Variants in SHISA9 observed in about 807,000 individuals in gnomAD.
SHISA9 encodes shisa family member 9.
Under a neutral mutation model 38.0 loss-of-function variants are expected in SHISA9, and 13 were observed. The ratio of observed to expected loss-of-function variants is 0.34; its 90% CI spans 0.22 to 0.54. The LOEUF (loss-of-function observed/expected upper bound fraction) is 0.54, where lower values mean the gene tolerates loss of function less well. Among genes scored for constraint, SHISA9 ranks in the 20% least tolerant of loss-of-function variants. The pLI, the probability that SHISA9 is intolerant of heterozygous loss-of-function variation, is 0.91. For missense variants in SHISA9, 538 were observed against 575.8 expected, an observed-to-expected ratio of 0.93 and a Z score of 0.67; for synonymous variants, 275 against 242.0, an observed-to-expected ratio of 1.14 and a Z score of -1.27.
At chr16:12,903,664 G>A (rs966596192) in intron 1 of SHISA9, among the ~76,000 whole-genome samples, 8 of 152,172 alleles carry the variant, frequency 5.3e-5, no homozygotes, top group African/African-American at 1.9e-4. Flanking sequence ...TGGAAGGAGT[G>A]ACTAGCGGCC....
intron 2 of SHISA9, among the ~76,000 whole-genome samples, chr16:13,109,267 C>G (rs528508648): frequency 6.6e-6 from 1 of 152,160 alleles, no homozygotes; most frequent in Non-Finnish European, 1.5e-5. Context: ...CTCAAGCAAT[C>G]CTCCCACCTT....
chr16:13,235,117 G>A lies in SHISA9; in HGVS notation c.983G>A (p.Arg328Lys), dbSNP rs1344051556. Residue 328 changes from arginine (R) to lysine (K), a missense_variant, in exon 5 of 5, where the codon AGA becomes AAA. This residue lies in a region of SHISA9 where 326 missense variants were observed against 305.9 expected (regional missense o/e 1.07). Coordinates refer to ENST00000558583, the MANE Select transcript of SHISA9 (RefSeq NM_001145204.3). ...AKGNLPLHPVRVEDEPRAFSP... is the reference protein window; with the variant it reads ...AKGNLPLHPVKVEDEPRAFSP... ...GGGAACTTACCTCTGCACCCCGTAA[G>A]AGTGGAGGACGAGCCCCGGGCCTTC... 6.4e-7 allele frequency: 1 copy of A among 1,551,682 alleles called. No individual in the cohort carries two copies. The highest frequency in any genetic ancestry group is 8.7e-7 in the Non-Finnish European group (1 of 1,146,994).
intron 2 of SHISA9, among the ~76,000 whole-genome samples, chr16:13,170,429 G>T (rs1212849865): frequency 6.6e-6 from 1 of 152,010 alleles, no homozygotes; most frequent in African/African-American, 2.4e-5. Flanking sequence ...TTTATAAAGA[G>T]AATTGATTTG....
chr16:13,299,207 T>C, the SHISA9 span, among the ~76,000 whole-genome samples: 1 of 152,162 alleles, frequency 6.6e-6, no homozygotes, highest in Non-Finnish European at 1.5e-5. Context: ...GCTAAGGGTG[T>C]AAAACTTCCT....
chr16:13,470,509 G>A, the SHISA9 span, among the ~76,000 whole-genome samples: 116 of 152,288 alleles, frequency 7.6e-4, no homozygotes, highest in African/African-American at 2.7e-3. Context: ...CATGGCAGCA[G>A]GCAAGAGAGC....
chr16:12,904,515 G>C (rs1344068551), intron 1 of SHISA9, among the ~76,000 whole-genome samples: 1 of 152,148 alleles, frequency 6.6e-6, no homozygotes, highest in Admixed American at 6.5e-5. Flanking sequence ...TCCTGCCCCC[G>C]TGCAGCTCTG....
chr16:13,275,157 G>A, the SHISA9 span, among the ~76,000 whole-genome samples: 1 of 152,076 alleles, frequency 6.6e-6, no homozygotes. Context: ...GGTAACTGAT[G>A]AGTTAGGTGT....
At chr16:13,363,472 G>T in the SHISA9 span, among the ~76,000 whole-genome samples, 2 of 152,344 alleles carry the variant, frequency 1.3e-5, no homozygotes, top group East Asian at 3.9e-4. Context: ...TAGGGAGGTG[G>T]AGAGGATGGT....
intron 2 of SHISA9, among the ~76,000 whole-genome samples, chr16:12,963,820 G>A (rs1033672365): frequency 1.3e-5 from 2 of 152,144 alleles, no homozygotes; most frequent in Admixed American, 6.6e-5. Flanking sequence ...AGAAAATTTA[G>A]CCCCGAGTTA....
At chr16:13,403,825 C>T in the SHISA9 span, among the ~76,000 whole-genome samples, 1 of 152,174 alleles carries the variant, frequency 6.6e-6, no homozygotes, top group South Asian at 2.1e-4. Context: ...TTGGTACCAG[C>T]TGGCTATGGA....
At chr16:13,252,238 A>C in the SHISA9 span, among the ~76,000 whole-genome samples, 4 of 152,044 alleles carry the variant, frequency 2.6e-5, no homozygotes, top group Admixed American at 2.6e-4. Flanking sequence ...CTGTTCCTCA[A>C]ATGCCCCAAG....
Position 13,019,874 on chromosome 16 carries a change from CCCTCCCTCCCTTCTTT to C in SHISA9, c.691+103061_691+103076del, listed in dbSNP as rs1328392585. On this transcript the variant is annotated intron_variant, in intron 2 of 4. Coordinates refer to ENST00000558583, the MANE Select transcript of SHISA9 (RefSeq NM_001145204.3). Reference sequence around the variant, plus strand: ...TCCCTCCCTCCCTCCCTCCCTCCCTCCCTCCCTCCCTTCTTTCTTTCTTTCTTTCTTTCTTTCTTTC... The same window carrying C: ...TCCCTCCCTCCCTCCCTCCCTCCCTCCTTTCTTTCTTTCTTTCTTTCTTTC... 7.4e-3 allele frequency among the ~76,000 whole-genome samples: 247 copies of C among 33,240 alleles called. 18 individuals carry two copies. The highest frequency in any genetic ancestry group is 0.026 in the African/African-American group (215 of 8,356). The allele number at this position is 33,240 out of a possible 152,430, so 21.8% of individuals were successfully genotyped here. A position where few individuals can be genotyped will look rare whatever the true frequency, so the allele number is the denominator to read the frequency against.
At chr16:13,273,425 T>C in the SHISA9 span, among the ~76,000 whole-genome samples, 1 of 152,160 alleles carries the variant, frequency 6.6e-6, no homozygotes, top group African/African-American at 2.4e-5. Context: ...GCTGTTCTCC[T>C]GATAGCGAAT....
At chr16:13,241,622 G>A (rs752254938), downstream of SHISA9, among the ~76,000 whole-genome samples, 1 of 152,232 alleles carries the variant, frequency 6.6e-6, no homozygotes, top group Non-Finnish European at 1.5e-5. Context: ...GGAACTCACA[G>A]TGGCTGCCCA....
At chr16:13,098,664 G>A (rs1196723043) in intron 2 of SHISA9, among the ~76,000 whole-genome samples, 1 of 152,196 alleles carries the variant, frequency 6.6e-6, no homozygotes, top group Non-Finnish European at 1.5e-5. Flanking sequence ...CAGGAGGCAG[G>A]ATGTCCAAAG....
chr16:13,188,716 CAAAAAA>C (rs35558481), intron 2 of SHISA9, among the ~76,000 whole-genome samples: 34 of 79,338 alleles, frequency 4.3e-4, no homozygotes, highest in Middle Eastern at 9.6e-3. Context: ...GACCCTGTTT[CAAAAAA>C]AAAAAAAAAA....
chr16:13,409,507 G>A, the SHISA9 span, among the ~76,000 whole-genome samples: 19 of 152,346 alleles, frequency 1.2e-4, no homozygotes, highest in African/African-American at 4.6e-4. Flanking sequence ...TCCACCTCCT[G>A]TAACGGATTT....
At chr16:13,352,787 G>A in the SHISA9 span, among the ~76,000 whole-genome samples, 13 of 149,898 alleles carry the variant, frequency 8.7e-5, no homozygotes, top group Non-Finnish European at 1.3e-4. Flanking sequence ...GCGGGCAGGA[G>A]TGGGGGTCAC....
intron 2 of SHISA9, among the ~76,000 whole-genome samples, chr16:13,075,038 G>T (rs1478317848): frequency 6.6e-6 from 1 of 152,140 alleles, no homozygotes; most frequent in Admixed American, 6.5e-5. Flanking sequence ...CCAGTTTATG[G>T]TAGAGATGAT....
Sources: allele counts gnomAD v4.1 joint callset (sites outside exome capture counted in the v4.1 genomes callset), GRCh38; gene constraint gnomAD v4.1.1; regional missense constraint gnomAD v4.1.1; transcripts MANE v1.5; gene names NCBI Gene and HGNC (gene_info 2026-07-23, HGNC 2026-07-21).